The following PHF19 variants were observed in gnomAD, a reference collection of about 807,000 sequenced individuals.
PHF19 encodes polycomb like 3.
A neutral mutation model predicts 79.8 loss-of-function variants in PHF19; 21 were observed. That is an observed-to-expected ratio of 0.26 (90% CI 0.19 to 0.38). The LOEUF (loss-of-function observed/expected upper bound fraction) is 0.38, where lower values mean the gene tolerates loss of function less well. Ranked by LOEUF, PHF19 falls within the 10% of genes least tolerant of loss-of-function variation. PHF19 has a pLI of 1.00. For missense variants in PHF19, 445 were observed against 744.2 expected (o/e 0.60, Z 4.68); for synonymous variants, 273 against 296.3 (o/e 0.92, Z 0.81).
rs1179765757 is a variant in PHF19 at position 120,869,696 on chromosome 9, T to C, written c.465+149A>G. The C allele has an allele frequency of 1.3e-6, 2 of 1,553,014 alleles. No individual in the cohort carries two copies. The highest frequency in any genetic ancestry group is 4.9e-5 in the East Asian group (2 of 41,174). ...TGAGGCTCAGGGAGTCTACAAATCC[T>C]GGCCAAGGACAGTGGCAGAGGCGCT... is the stretch of plus-strand genomic sequence containing the variant. On this transcript the variant is annotated intron_variant, in intron 5 of 14. Coordinates refer to ENST00000373896, the MANE Select transcript of PHF19 (RefSeq NM_015651.3). This position sits in a 1 kb window ranked among gnomAD's most constrained non-coding sequence, Gnocchi z 5.8.
chr9:120,865,999 G>A lies in PHF19; in HGVS notation c.779+29C>T, dbSNP rs145012792. 131 of 1,591,288 alleles carry A rather than the reference G, an allele frequency of 8.2e-5. No homozygotes were observed. In the East Asian group the frequency reaches 2.7e-3, roughly 32 times the overall value. Reference sequence around the variant, plus strand: ...GAGGGGAGAAGCTGGGAGGAGCAGCGGTGGTTGGACTAAGCCCCACCCTCT... The same window carrying A: ...GAGGGGAGAAGCTGGGAGGAGCAGCAGTGGTTGGACTAAGCCCCACCCTCT... On this transcript the variant is annotated intron_variant, in intron 8 of 14. Transcript: ENST00000373896.
chr9:120,867,446 G>C (rs10985068), intron 6 of PHF19, among the ~76,000 whole-genome samples: 19,305 of 152,238 alleles, frequency 0.13, 1,351 homozygotes, highest in African/African-American at 0.18. Flanking sequence ...ACTGTATCTG[G>C]CCTATCATGG....
intron 6 of PHF19, chr9:120,868,928 GC>G: frequency 1.2e-6 from 1 of 822,338 alleles, no homozygotes; most frequent in African/African-American, 2.0e-5. Flanking sequence ...AATCTTCCGG[GC>G]CCACCCCTCG....
intron 1 of PHF19, among the ~76,000 whole-genome samples, chr9:120,892,613 T>A (rs996072993): frequency 2.0e-5 from 3 of 152,216 alleles, no homozygotes; most frequent in African/African-American, 7.2e-5. Flanking sequence ...CCTGTCCCCA[T>A]GGCATATAGG....
chr9:120,886,608 C>T (rs2046266720), intron 1 of PHF19, among the ~76,000 whole-genome samples: 1 of 152,216 alleles, frequency 6.6e-6, no homozygotes, highest in Non-Finnish European at 1.5e-5. Context: ...TATGGAGATC[C>T]CTTCCACAGC....
At chr9:120,864,768 T>A (rs1418909237) in intron 9 of PHF19, among the ~76,000 whole-genome samples, 1 of 152,190 alleles carries the variant, frequency 6.6e-6, no homozygotes, top group Non-Finnish European at 1.5e-5. Flanking sequence ...TTATTTAAAA[T>A]TGTATATACT....
rs185151047 is a variant in PHF19 at position 120,875,269 on chromosome 9, G to A, written c.-15-513C>T. ...GGTGGCTTGTAGCTAGTGTAGACTG[G>A]GTCATCTGTCTTTTGTAATCCCCCC... On this transcript the variant is annotated intron_variant, in intron 1 of 14. Coordinates refer to ENST00000373896, the MANE Select transcript of PHF19 (RefSeq NM_015651.3). Among the ~76,000 whole-genome samples the A allele has an allele frequency of 8.5e-5, 13 of 152,140 alleles. No homozygotes were observed. In the East Asian group the frequency reaches 2.3e-3, roughly 27 times the overall value.
In PHF19 at chr9:120,882,616, C is replaced by T. The variant is rs926380326; in HGVS notation, c.43-7860G>A. Among the ~76,000 whole-genome samples, 5 of 151,874 alleles carry T rather than the reference C, an allele frequency of 3.3e-5. 1 individual carries two copies. Among genetic ancestry groups the T allele is most frequent in the Admixed American group, 2.0e-4 (3 of 15,252 alleles). ...CAGCACTTTGAGAGGCTGAGGTGGG[C>T]GGATCACCTGAGGTCCGGAGTTCAA... On this transcript the variant is annotated intron_variant, in intron 1 of 14. Coordinates refer to the PHF19 transcript ENST00000616568.
At chr9:120,861,501 G>A (rs1198531571) in intron 12 of PHF19, among the ~76,000 whole-genome samples, 1 of 152,240 alleles carries the variant, frequency 6.6e-6, no homozygotes, top group African/African-American at 2.4e-5. Flanking sequence ...ACCGCAAAGT[G>A]CTGGGACATG....
At position 120,890,503 on chromosome 9, in the gene PHF19, A is replaced by G. The variant is rs190767439; in HGVS notation, c.42+4285T>C. ...CGCCCTGGTGAGGCCACTGAATTTCAGTAATTAGCTCTCTGGGCAGGAGGA... is the reference window on the plus strand; with the variant it reads ...CGCCCTGGTGAGGCCACTGAATTTCGGTAATTAGCTCTCTGGGCAGGAGGA... On this transcript the variant is annotated intron_variant, in intron 1 of 14. Transcript: ENST00000616568. 2.9e-3 allele frequency among the ~76,000 whole-genome samples: 436 copies of G among 152,190 alleles called. 3 individuals are homozygous for G. The highest frequency in any genetic ancestry group is 8.7e-4 in the Non-Finnish European group (59 of 68,012).
chr9:120,895,204 G>C (rs2046390720), upstream of PHF19, among the ~76,000 whole-genome samples: 1 of 152,148 alleles, frequency 6.6e-6, no homozygotes, highest in African/African-American at 2.4e-5. Context: ...AGAGGGAGGG[G>C]ACCCTGCTGA....
chr9:120,869,844 C>A lies in PHF19; in HGVS notation c.465+1G>T. On this transcript the variant is annotated splice_donor_variant, in intron 5 of 14. Coordinates refer to ENST00000373896, the MANE Select transcript of PHF19 (RefSeq NM_015651.3). LOFTEE classifies it high-confidence loss of function. The surrounding 1 kb of genome is among the most constrained non-coding windows in gnomAD (Gnocchi z 5.8). The stretch of plus-strand genomic sequence containing the variant: ...GGGACTGGGGAGGATGGAAGGCTCA[C>A]CCGCACAGCCAGTGCGAAGATGCAG... 6.2e-7 allele frequency: 1 copy of A among 1,612,610 alleles called. No homozygotes were observed. The highest frequency in any genetic ancestry group is 8.5e-7 in the Non-Finnish European group (1 of 1,179,514).
rs1244502494 is a variant in PHF19 at position 120,862,910 on chromosome 9, G to A, written c.969-161C>T. ...GACTTCCTCAAAGCCCATGGGATGC[G>A]GGGTTCCAGGTAGCAGCTGAGAACA... On this transcript the variant is annotated intron_variant, in intron 10 of 14. Transcript: ENST00000373896. This position sits in a 1 kb window ranked among gnomAD's most constrained non-coding sequence, Gnocchi z 4.6. The A allele has an allele frequency of 7.7e-6, 5 of 651,760 alleles. No homozygotes were observed. The highest frequency in any genetic ancestry group is 5.3e-5 in the Admixed American group (2 of 37,516). The allele number at this position is 651,760 out of a possible 1,614,324, so 40.4% of individuals were successfully genotyped here.
At position 120,864,029 on chromosome 9, in the gene PHF19, C is replaced by T. The variant is rs201537470; in HGVS notation, c.968+20G>A. On this transcript the variant is annotated intron_variant, in intron 10 of 14. Coordinates refer to ENST00000373896, the MANE Select transcript of PHF19 (RefSeq NM_015651.3). ...ACCTGTAGAGGGCCCCACCACACTC[C>T]CTCCCCTCCCTGCACGCACCGGCTT... 1.2e-6 allele frequency: 2 copies of T among 1,607,018 alleles called. No individual in the cohort carries two copies. The highest frequency in any genetic ancestry group is 4.5e-5 in the East Asian group (2 of 44,710).
At chr9:120,890,984 T>A (rs2046335299) in intron 1 of PHF19, among the ~76,000 whole-genome samples, 1 of 152,126 alleles carries the variant, frequency 6.6e-6, no homozygotes, top group Non-Finnish European at 1.5e-5. Flanking sequence ...ACAAACAACC[T>A]TCACCCCTCT....
In PHF19 at chr9:120,874,825, G is replaced by T. The variant is rs2131561686; in HGVS notation, c.-15-69C>A. The T allele has an allele frequency of 2.0e-6, 2 of 990,566 alleles. No individual in the cohort carries two copies. Among genetic ancestry groups the T allele is most frequent in the East Asian group, 4.8e-5 (2 of 41,818 alleles). The allele number at this position is 990,566 out of a possible 1,614,324, so 61.4% of individuals were successfully genotyped here. ...TCAGAAAGCCCATCAGGGGAAGGAA[G>T]GAAACCACCATTTCTGTACCCTGTG... is the stretch of plus-strand genomic sequence containing the variant. On this transcript the variant is annotated intron_variant, in intron 1 of 14. Coordinates refer to ENST00000373896, the MANE Select transcript of PHF19 (RefSeq NM_015651.3). This position sits in a 1 kb window ranked among gnomAD's most constrained non-coding sequence, Gnocchi z 4.5.
At chr9:120,876,233 G>C (rs1306955555) in intron 1 of PHF19, 1 of 152,344 alleles carries the variant, frequency 6.6e-6, no homozygotes, top group Non-Finnish European at 1.5e-5. Flanking sequence ...AGCGCAGAGC[G>C]CACAGGCTCC....
intron 1 of PHF19, among the ~76,000 whole-genome samples, chr9:120,887,829 C>G (rs569343634): frequency 7.9e-5 from 12 of 152,290 alleles, no homozygotes; most frequent in African/African-American, 2.6e-4. Context: ...GAAGCCCCAT[C>G]GTAAGTGGAC....
At chr9:120,899,313 A>G (rs191843990), upstream of PHF19, among the ~76,000 whole-genome samples, 331 of 152,102 alleles carry the variant, frequency 2.2e-3, 1 homozygote, top group African/African-American at 7.5e-3. Context: ...CCTGGCTAAC[A>G]TGGTGAAACC....
Sources: allele counts gnomAD v4.1 joint callset (sites outside exome capture counted in the v4.1 genomes callset), GRCh38; gene constraint gnomAD v4.1.1; non-coding constraint Gnocchi (gnomAD v3.1); transcripts MANE v1.5; gene names NCBI Gene and HGNC (gene_info 2026-07-23, HGNC 2026-07-21).